The following GRIK3 variants were observed in gnomAD, a reference collection of about 807,000 sequenced individuals.
GRIK3 encodes glutamate receptor ionotropic, kainate 3.
In GRIK3, 29 loss-of-function variants were observed where a neutral mutation model predicts 102.5. The observed-to-expected ratio is 0.28, with a 90% CI of 0.21 to 0.39. The LOEUF (loss-of-function observed/expected upper bound fraction) is 0.39, where lower values mean the gene tolerates loss of function less well. Among genes scored for constraint, GRIK3 ranks in the 10% least tolerant of loss-of-function variants. GRIK3 has a pLI of 1.00. For synonymous variants in GRIK3, 511 were observed against 504.9 expected (o/e 1.01, Z -0.16); for missense variants, 908 against 1,252.4 (o/e 0.73, Z 4.15).
chr1:36,861,824 T>C (rs904592732), intron 5 of GRIK3, among the ~76,000 whole-genome samples: 2 of 152,062 alleles, frequency 1.3e-5, no homozygotes, highest in African/African-American at 4.8e-5. Context: ...TGATTCCAGG[T>C]CAGGATCTGG....
chr1:36,976,229 G>T (rs1370425060), intron 1 of GRIK3, among the ~76,000 whole-genome samples: 1 of 152,248 alleles, frequency 6.6e-6, no homozygotes, highest in Middle Eastern at 3.4e-3. Flanking sequence ...AAGCCAACAG[G>T]ACAGTGACAG....
intron 1 of GRIK3, among the ~76,000 whole-genome samples, chr1:36,963,369 G>T (rs113776492): frequency 1.3e-5 from 2 of 152,164 alleles, no homozygotes; most frequent in Non-Finnish European, 2.9e-5. Flanking sequence ...CAGGCAGAAC[G>T]TGAGAGTCAC....
intron 1 of GRIK3, among the ~76,000 whole-genome samples, chr1:36,982,196 G>A (rs527407889): frequency 2.0e-5 from 3 of 152,314 alleles, no homozygotes; most frequent in African/African-American, 4.8e-5. Context: ...CTGGGTGGGA[G>A]GGAGGAGTGA....
At position 36,880,874 on chromosome 1, in the gene GRIK3, G is replaced by A. The variant is rs1362214005; in HGVS notation, c.310C>T (p.Leu104=). 6.2e-7 allele frequency: 1 copy of A among 1,608,748 alleles called. No homozygotes were observed. The highest frequency in any genetic ancestry group is 1.7e-5 in the Admixed American group (1 of 58,872). The change falls in exon 3 of 16, where the codon CTG becomes TTG. Residue 104 remains leucine (L), a synonymous_variant. Transcript: ENST00000373091. This position sits in a 1 kb window ranked among gnomAD's most constrained non-coding sequence, Gnocchi z 5.4. ...ATKKACDQLA[L]GVVAIFGPSQ... ...GGGCCGAAGATCGCCACCACGCCCA[G>A]TGCCAGCTGGTCACAGGCTGCAACA...
chr1:36,869,852 TCCC>T, intron 4 of GRIK3, 51 bp from the exon 5 acceptor site: 1 of 1,347,156 alleles, frequency 7.4e-7, no homozygotes, highest in Non-Finnish European at 1.1e-6. Context: ...TGGGCAGCCC[TCCC>T]CACATCCCCA....
At position 36,880,424 on chromosome 1, in the gene GRIK3, G is replaced by A. The variant is rs1000453121; in HGVS notation, c.550+210C>T. On this transcript the variant is annotated intron_variant, in intron 3 of 15. Coordinates refer to ENST00000373091, the MANE Select transcript of GRIK3 (RefSeq NM_000831.4). The surrounding 1 kb of genome is among the most constrained non-coding windows in gnomAD (Gnocchi z 5.4). ...TGAGTGTGAGGCAGGGGTGAGGTGCGCTGGGGCTGAGTGAGATATGAGTGC... is the reference window on the plus strand; with the variant it reads ...TGAGTGTGAGGCAGGGGTGAGGTGCACTGGGGCTGAGTGAGATATGAGTGC... 2.2e-4 allele frequency among the ~76,000 whole-genome samples: 33 copies of A among 152,294 alleles called. No individual in the cohort carries two copies. In the Middle Eastern group the frequency reaches 0.01, roughly 47 times the overall value.
chr1:36,905,091 T>C (rs1036734146), intron 1 of GRIK3, among the ~76,000 whole-genome samples: 3 of 151,674 alleles, frequency 2.0e-5, no homozygotes, highest in African/African-American at 7.3e-5. Context: ...CCTCCCCACA[T>C]AGCAGCAATA....
At chr1:36,817,344 G>C (rs1642643476) in intron 12 of GRIK3, 67 bp from the exon 13 acceptor site, 3 of 1,052,684 alleles carry the variant, frequency 2.8e-6, no homozygotes, top group Non-Finnish European at 4.4e-6. Context: ...AGTCCCCTGG[G>C]TCATGGATTC....
At chr1:36,803,430 T>A (rs541415841) in intron 15 of GRIK3, among the ~76,000 whole-genome samples, 112 of 152,186 alleles carry the variant, frequency 7.4e-4, no homozygotes, top group African/African-American at 2.5e-3. Context: ...TTCATTTTTT[T>A]ATTATTTATT....
chr1:36,980,776 A>G (rs1314179360), intron 1 of GRIK3, among the ~76,000 whole-genome samples: 3 of 152,168 alleles, frequency 2.0e-5, no homozygotes, highest in Non-Finnish European at 2.9e-5. Flanking sequence ...ACAGTGGCAG[A>G]GAATCCCTTC....
At chr1:36,996,792 C>G (rs1332004093) in intron 1 of GRIK3, among the ~76,000 whole-genome samples, 1 of 152,206 alleles carries the variant, frequency 6.6e-6, no homozygotes, top group Non-Finnish European at 1.5e-5. Context: ...GGCTGTCCAG[C>G]TCTCCCCAGC....
chr1:36,841,645 T>C, intron 10 of GRIK3, 91 bp downstream of exon 10: 2 of 1,131,168 alleles, frequency 1.8e-6, no homozygotes, highest in East Asian at 2.4e-5. Flanking sequence ...AGGGCCTTTT[T>C]CTGCCAGGCT....
At chr1:36,804,763 A>G (rs1321107520) in intron 15 of GRIK3, 1 of 587,116 alleles carries the variant, frequency 1.7e-6, no homozygotes, top group Non-Finnish European at 3.0e-6. Context: ...GGCATAATCC[A>G]GGCAGGAGGT....
At position 36,805,150 on chromosome 1, in the gene GRIK3, C is replaced by T. The variant is rs374146373; in HGVS notation, c.2402G>A (p.Arg801Gln). 26 of 1,614,100 alleles carry T rather than the reference C, an allele frequency of 1.6e-5. No individual in the cohort carries two copies. Among genetic ancestry groups the T allele is most frequent in the East Asian group, 2.2e-5 (1 of 44,892 alleles). ...TTCCTCCTCAGGACACCCGCTGCCC[C>T]GCCACCACTTCTCCTTCATGATATG... is the stretch of plus-strand genomic sequence containing the variant. ...KLHIMKEKWWRGSGCPEEENK... is the reference protein window; with the variant it reads ...KLHIMKEKWWQGSGCPEEENK... The change falls in exon 15 of 16, where the codon CGG becomes CAG. Residue 801 changes from arginine to glutamine, a missense_variant. Around this residue, in one of 3 missense-constraint regions of GRIK3, gnomAD observed 297 missense variants for 362.7 expected, o/e 0.82. Coordinates refer to ENST00000373091, the MANE Select transcript of GRIK3 (RefSeq NM_000831.4).
chr1:36,986,612 T>G (rs2124371393), intron 1 of GRIK3, among the ~76,000 whole-genome samples: 1 of 152,302 alleles, frequency 6.6e-6, no homozygotes, highest in African/African-American at 2.4e-5. Flanking sequence ...GCTCCCAGCC[T>G]GATCAGAGAG....
chr1:36,811,338 C>T (rs954928107), intron 13 of GRIK3, among the ~76,000 whole-genome samples: 6 of 152,062 alleles, frequency 3.9e-5, no homozygotes, highest in Admixed American at 2.0e-4. Flanking sequence ...ATTGAAGTAA[C>T]TAAAGAAGGC....
intron 13 of GRIK3, among the ~76,000 whole-genome samples, chr1:36,809,358 A>G (rs758926918): frequency 5.9e-5 from 9 of 151,338 alleles, no homozygotes; most frequent in Non-Finnish European, 1.2e-4. Flanking sequence ...CATCTATCCA[A>G]CCATCTATCT....
chr1:36,921,692 A>G (rs1641475314), intron 1 of GRIK3, among the ~76,000 whole-genome samples: 1 of 152,142 alleles, frequency 6.6e-6, no homozygotes, highest in Non-Finnish European at 1.5e-5. Flanking sequence ...ACTGTGTCAT[A>G]GTATAATGGG....
intron 1 of GRIK3, among the ~76,000 whole-genome samples, chr1:36,939,121 T>A (rs113002726): frequency 3.3e-4 from 50 of 152,328 alleles, no homozygotes; most frequent in Non-Finnish European, 5.7e-4. Context: ...AGCTACTTGA[T>A]ACGAGGCTTC....
Sources: allele counts gnomAD v4.1 joint callset (sites outside exome capture counted in the v4.1 genomes callset), GRCh38; gene constraint gnomAD v4.1.1; regional missense constraint gnomAD v4.1.1; non-coding constraint Gnocchi (gnomAD v3.1); transcripts MANE v1.5; gene names NCBI Gene and HGNC (gene_info 2026-07-23, HGNC 2026-07-21).